Variants in ANO1 observed in about 807,000 individuals in gnomAD.
The protein encoded by ANO1 is anoctamin-1.
A neutral mutation model predicts 124.0 loss-of-function variants in ANO1; 59 were observed. The observed-to-expected ratio is 0.48, with a 90% CI of 0.39 to 0.59. The LOEUF is 0.59. ANO1 is among the 20% of genes least tolerant of loss of function. The probability of loss-of-function intolerance (pLI) is 0.00; values close to 1 mark genes in which losing one functional copy is unlikely to be tolerated. For missense variants in ANO1, 1,059 were observed against 1,328.0 expected, an observed-to-expected ratio of 0.80 and a Z score of 3.15; for synonymous variants, 529 against 532.0, an observed-to-expected ratio of 0.99 and a Z score of 0.08.
chr11:70,185,860 C>T (rs908163671), intron 25 of ANO1, among the ~76,000 whole-genome samples, 165 bp downstream of exon 25: 2 of 152,122 alleles, frequency 1.3e-5, no homozygotes, highest in Non-Finnish European at 2.9e-5. Flanking sequence ...ACTTGGCCGA[C>T]CCCAGGCCCC....
chr11:69,973,272 C>T, the ANO1 span, among the ~76,000 whole-genome samples: 3 of 152,152 alleles, frequency 2.0e-5, no homozygotes, highest in Non-Finnish European at 4.4e-5. Flanking sequence ...CGTGATCTGG[C>T]ATGATATATT....
the ANO1 span, among the ~76,000 whole-genome samples, chr11:69,972,092 G>A: frequency 2.0e-5 from 3 of 147,460 alleles, no homozygotes; most frequent in Admixed American, 2.1e-4. Context: ...ACAAAAATTA[G>A]CCGGAAATCG....
At chr11:70,143,434 G>A (rs922128629) in intron 11 of ANO1, among the ~76,000 whole-genome samples, 4 of 152,174 alleles carry the variant, frequency 2.6e-5, no homozygotes, top group Admixed American at 1.3e-4. Context: ...AAGTTGAGGC[G>A]GGGTGGGATG....
chr11:70,174,996 C>A (rs1163546665), intron 22 of ANO1, among the ~76,000 whole-genome samples: 6 of 152,154 alleles, frequency 3.9e-5, no homozygotes. Context: ...CTCAGGCAGC[C>A]GACAGTACCC....
At chr11:70,135,136 T>C (rs2046907886) in intron 11 of ANO1, among the ~76,000 whole-genome samples, 1 of 152,132 alleles carries the variant, frequency 6.6e-6, no homozygotes, top group Non-Finnish European at 1.5e-5. Flanking sequence ...AGAGAAGCGA[T>C]TGGGAGCCTC....
intron 2 of ANO1, among the ~76,000 whole-genome samples, chr11:70,096,574 GT>G (rs1342635975): frequency 6.6e-6 from 1 of 152,180 alleles, no homozygotes. Context: ...AGGTGGAACA[GT>G]TTCAGCCGGG....
At chr11:69,981,512 A>C (rs1554996211), upstream of ANO1, among the ~76,000 whole-genome samples, 1 of 152,214 alleles carries the variant, frequency 6.6e-6, no homozygotes, top group African/African-American at 2.4e-5. Flanking sequence ...CTTCTGTCCA[A>C]GGGCCCCTCT....
intron 1 of ANO1, among the ~76,000 whole-genome samples, chr11:69,995,311 C>G (rs782145952): frequency 1.4e-4 from 21 of 152,028 alleles, no homozygotes; most frequent in Non-Finnish European, 2.8e-4. Flanking sequence ...GTTGGCCAGG[C>G]TGGTCTTGAA....
At chr11:69,986,976 C>T (rs1450871430) in intron 1 of ANO1, among the ~76,000 whole-genome samples, 1 of 152,134 alleles carries the variant, frequency 6.6e-6, no homozygotes, top group Non-Finnish European at 1.5e-5. Flanking sequence ...ACCGCCAACC[C>T]GGGACTGCTA....
At chr11:70,141,048 C>T (rs1214069992) in intron 11 of ANO1, among the ~76,000 whole-genome samples, 1 of 152,168 alleles carries the variant, frequency 6.6e-6, no homozygotes, top group African/African-American at 2.4e-5. Context: ...CCCTAACAGA[C>T]GTCTCAGATG....
intron 2 of ANO1, among the ~76,000 whole-genome samples, chr11:70,102,819 C>T (rs1343594402): frequency 6.6e-6 from 1 of 152,228 alleles, no homozygotes; most frequent in African/African-American, 2.4e-5. Context: ...CCTCTAGACC[C>T]TCCTGGCTCT....
chr11:70,156,650 C>A (rs1046251336), intron 15 of ANO1, among the ~76,000 whole-genome samples: 1 of 152,130 alleles, frequency 6.6e-6, no homozygotes, highest in African/African-American at 2.4e-5. Context: ...GTGGGTCCAA[C>A]AGTCTTTAGA....
chr11:69,970,120 G>C, the ANO1 span, among the ~76,000 whole-genome samples: 2 of 152,176 alleles, frequency 1.3e-5, no homozygotes, highest in African/African-American at 4.8e-5. Flanking sequence ...GAGAATCCCT[G>C]CTAACAGGAA....
the ANO1 span, among the ~76,000 whole-genome samples, chr11:69,968,933 G>A: frequency 6.6e-6 from 1 of 152,330 alleles, no homozygotes; most frequent in East Asian, 1.9e-4. Context: ...TGCACTGTTG[G>A]AAGCTGCACC....
At chr11:70,132,705 G>A (rs1014883607) in intron 11 of ANO1, among the ~76,000 whole-genome samples, 12 of 152,326 alleles carry the variant, frequency 7.9e-5, no homozygotes, top group Admixed American at 7.2e-4. Context: ...GGGCTTGGGA[G>A]GTTGGTAAGT....
At chr11:70,157,065 G>T (rs374825899) in intron 16 of ANO1, 44 bp downstream of exon 16, 4 of 1,557,588 alleles carry the variant, frequency 2.6e-6, no homozygotes, top group Non-Finnish European at 2.6e-6. Flanking sequence ...AGGGGAAACC[G>T]CAAGGAAGTG....
At chr11:70,082,607 C>T (rs1447547142) in intron 1 of ANO1, among the ~76,000 whole-genome samples, 1 of 152,288 alleles carries the variant, frequency 6.6e-6, no homozygotes, top group Non-Finnish European at 1.5e-5. Context: ...AAAGGTGCAC[C>T]GAGGGGTTGC....
At chr11:70,094,474 G>A (rs189907072) in intron 2 of ANO1, among the ~76,000 whole-genome samples, 10 of 152,298 alleles carry the variant, frequency 6.6e-5, no homozygotes, top group East Asian at 5.8e-4. Flanking sequence ...GAGGAGTCTC[G>A]GGCCTAATCC....
intron 1 of ANO1, among the ~76,000 whole-genome samples, chr11:70,039,108 G>T (rs1195159329): frequency 6.6e-6 from 1 of 152,164 alleles, no homozygotes; most frequent in Non-Finnish European, 1.5e-5. Context: ...GATTGAGTCT[G>T]CTGGGAAAGG....
Sources: gnomAD v4.1 joint callset for allele counts (sites outside exome capture counted in the v4.1 genomes callset) on GRCh38, gnomAD v4.1.1 for gene constraint, MANE v1.5 for transcripts, NCBI Gene and HGNC (gene_info 2026-07-23, HGNC 2026-07-21) for gene names.